SCFD1: variants seen among roughly 807,000 people sequenced by gnomAD.
SCFD1 encodes the protein sec1 family domain-containing protein 1.
Under a neutral mutation model 103.2 loss-of-function variants are expected in SCFD1, and 37 were observed. That is an observed-to-expected ratio of 0.36 (90% CI 0.28 to 0.47). The LOEUF (loss-of-function observed/expected upper bound fraction) is 0.47, where lower values mean the gene tolerates loss of function less well. SCFD1 is among the 20% of genes least tolerant of loss of function. SCFD1 has a pLI of 1.00. For missense variants in SCFD1, 639 were observed against 761.2 expected (o/e 0.84, Z 1.89); for synonymous variants, 264 against 245.0 (o/e 1.08, Z -0.73).
chr14:30,705,827 T>C lies in SCFD1; in HGVS notation c.1495T>C (p.Phe499Leu), dbSNP rs1566647927. The C allele has an allele frequency of 6.2e-7, 1 of 1,613,442 alleles. No individual in the cohort carries two copies. The highest frequency in any genetic ancestry group is 8.5e-7 in the Non-Finnish European group (1 of 1,179,534). Residue 499 changes from phenylalanine (F) to leucine (L), a missense_variant, in exon 18 of 25, where the codon TTT becomes CTT. By Grantham distance (22) the Phe-to-Leu change is conservative. Coordinates refer to ENST00000458591, the MANE Select transcript of SCFD1 (RefSeq NM_016106.4). Reference sequence around the variant, plus strand: ...TACAACTTCCTTCTTTCATAGGGCTTTTACCAAGATGGCCTCAGCTCCGGC... The same window carrying C: ...TACAACTTCCTTCTTTCATAGGGCTCTTACCAAGATGGCCTCAGCTCCGGC... ...PLQYIKQWKA[F>L]TKMASAPASY...
intron 23 of SCFD1, among the ~76,000 whole-genome samples, chr14:30,733,009 T>C (rs1302553977): frequency 6.7e-6 from 1 of 149,906 alleles, no homozygotes; most frequent in Non-Finnish European, 1.5e-5. Flanking sequence ...GATTTTTTTT[T>C]CTTTTTTTTT....
chr14:30,683,442 T>C, intron 14 of SCFD1: 1 of 498,818 alleles, frequency 2.0e-6, no homozygotes, highest in Non-Finnish European at 3.9e-6. Context: ...GTGGTCTGAT[T>C]CAGGGAAGGC....
rs370932483 is a variant in SCFD1 at position 30,629,225 on chromosome 14, T to A, written c.132+946T>A. ...ATTAATAATACACATGTATTGAGATTAAAAGAGGGAAGATTTTTGAAAGAT... is the reference window on the plus strand; with the variant it reads ...ATTAATAATACACATGTATTGAGATAAAAAGAGGGAAGATTTTTGAAAGAT... On this transcript the variant is annotated intron_variant, in intron 2 of 24. Transcript: ENST00000458591. Among the ~76,000 whole-genome samples, 3 of 152,210 alleles carry A rather than the reference T, an allele frequency of 2.0e-5. No homozygotes were observed. In the East Asian group the frequency reaches 5.8e-4, roughly 29 times the overall value.
chr14:30,728,856 TC>T (rs60812949), intron 23 of SCFD1, among the ~76,000 whole-genome samples: 8,972 of 137,902 alleles, frequency 0.065, 486 homozygotes, highest in African/African-American at 0.13. Context: ...TTTTTTTTTT[TC>T]CCCCCGAGAC....
intron 23 of SCFD1, among the ~76,000 whole-genome samples, chr14:30,727,905 A>T (rs1032486421): frequency 6.6e-6 from 1 of 152,200 alleles, no homozygotes; most frequent in African/African-American, 2.4e-5. Context: ...AGATGAAAAA[A>T]AAACATTAAT....
At chr14:30,625,309 C>G (rs229145) in intron 1 of SCFD1, among the ~76,000 whole-genome samples, 75,035 of 151,822 alleles carry the variant, frequency 0.49, 21,555 homozygotes, top group African/African-American at 0.79. Flanking sequence ...AAAATGCTTG[C>G]GACCAGGAGT....
chr14:30,672,136 T>G (rs745761828), intron 11 of SCFD1, among the ~76,000 whole-genome samples: 1 of 152,144 alleles, frequency 6.6e-6, no homozygotes, highest in African/African-American at 2.4e-5. Flanking sequence ...TATCAGAGAT[T>G]TTGAGGATTA....
At chr14:30,693,201 G>A (rs1013598216) in intron 14 of SCFD1, among the ~76,000 whole-genome samples, 7 of 152,102 alleles carry the variant, frequency 4.6e-5, no homozygotes, top group African/African-American at 1.7e-4. Context: ...AAAGGAAAGG[G>A]CAGAAAAGTA....
At chr14:30,683,127 G>T in intron 14 of SCFD1, 1 of 1,207,870 alleles carries the variant, frequency 8.3e-7, no homozygotes, top group Non-Finnish European at 1.2e-6. Flanking sequence ...CCAGGGTTTG[G>T]CAGCATGTGT....
intron 23 of SCFD1, among the ~76,000 whole-genome samples, chr14:30,726,916 A>G (rs1893082036): frequency 6.6e-6 from 1 of 152,208 alleles, no homozygotes; most frequent in Non-Finnish European, 1.5e-5. Context: ...TAACCATTAA[A>G]TAAGTTGTTG....
chr14:30,629,623 G>C (rs1319287432), intron 2 of SCFD1, among the ~76,000 whole-genome samples: 1 of 150,178 alleles, frequency 6.7e-6, no homozygotes, highest in Admixed American at 6.7e-5. Flanking sequence ...TTGTCGCCAG[G>C]CTGGAATGTA....
At chr14:30,728,520 G>T (rs1468457844) in intron 23 of SCFD1, among the ~76,000 whole-genome samples, 1 of 152,160 alleles carries the variant, frequency 6.6e-6, no homozygotes, top group Admixed American at 6.5e-5. Flanking sequence ...TGCTGTCCAC[G>T]TGGAACCATA....
intron 14 of SCFD1, among the ~76,000 whole-genome samples, chr14:30,681,030 C>G (rs778255271): frequency 6.6e-6 from 1 of 152,110 alleles, no homozygotes. Context: ...GCCAGGAGAC[C>G]GGCCTGGCCA....
chr14:30,723,190 G>A (rs1892774377), intron 23 of SCFD1, among the ~76,000 whole-genome samples: 1 of 151,974 alleles, frequency 6.6e-6, no homozygotes, highest in East Asian at 1.9e-4. Context: ...ATGTCCTTAT[G>A]TCATGTATGG....
chr14:30,695,673 A>G (rs1384228742), intron 15 of SCFD1, among the ~76,000 whole-genome samples: 1 of 152,152 alleles, frequency 6.6e-6, no homozygotes, highest in Admixed American at 6.5e-5. Flanking sequence ...GTTTGAGACC[A>G]GCCTAGGCAA....
intron 15 of SCFD1, among the ~76,000 whole-genome samples, chr14:30,696,831 G>C (rs1030655529): frequency 5.9e-5 from 9 of 152,152 alleles, no homozygotes; most frequent in Non-Finnish European, 1.0e-4. Flanking sequence ...CATGCAGCAA[G>C]CCCATGGAAG....
intron 4 of SCFD1, among the ~76,000 whole-genome samples, chr14:30,634,576 T>G (rs947479141): frequency 6.6e-6 from 1 of 152,172 alleles, no homozygotes; most frequent in Non-Finnish European, 1.5e-5. Context: ...ACCACTGTAC[T>G]GGTAAAGTCT....
At chr14:30,734,952 G>C in intron 24 of SCFD1, 94 bp downstream of exon 24, 2 of 985,354 alleles carry the variant, frequency 2.0e-6, no homozygotes, top group Non-Finnish European at 3.1e-6. Flanking sequence ...TTACTCACCT[G>C]AACCAGCCGA....
At chr14:30,625,419 G>T (rs991825601) in intron 1 of SCFD1, among the ~76,000 whole-genome samples, 2 of 152,046 alleles carry the variant, frequency 1.3e-5, no homozygotes, top group Non-Finnish European at 2.9e-5. Context: ...AGCATTTCAG[G>T]TTTCAGATAT....
Sources: allele counts gnomAD v4.1 joint callset (sites outside exome capture counted in the v4.1 genomes callset), GRCh38; gene constraint gnomAD v4.1.1; transcripts MANE v1.5; gene names NCBI Gene and HGNC (gene_info 2026-07-23, HGNC 2026-07-21).